Variants in KIAA0825 observed in about 807,000 individuals in gnomAD.
KIAA0825 encodes the protein KIAA0825.
A neutral mutation model predicts 147.6 loss-of-function variants in KIAA0825; 119 were observed. The observed-to-expected ratio is 0.81, with a 90% CI of 0.69 to 0.94. The LOEUF (loss-of-function observed/expected upper bound fraction) is 0.94. Ranked by LOEUF, KIAA0825 falls within the 40% of genes least tolerant of loss-of-function variation. The probability of loss-of-function intolerance (pLI) is 0.00; values close to 1 mark genes in which losing one functional copy is unlikely to be tolerated. For synonymous variants in KIAA0825, 470 were observed against 518.1 expected (o/e 0.91, Z 1.26); for missense variants, 1,381 against 1,472.7 (o/e 0.94, Z 1.02).
intron 15 of KIAA0825, chr5:94,413,117 A>C (rs1335233159): frequency 2.0e-5 from 3 of 151,976 alleles, no homozygotes; most frequent in African/African-American, 7.3e-5. Flanking sequence ...ATGCCCAGCT[A>C]ATTTTGTATT....
At chr5:94,225,958 G>T (rs946085039) in intron 20 of KIAA0825, among the ~76,000 whole-genome samples, 43 of 152,182 alleles carry the variant, frequency 2.8e-4, no homozygotes, top group Non-Finnish European at 5.9e-4. Context: ...GCAGGGCAAA[G>T]ACTTCATGAC....
chr5:94,181,930 G>A (rs941598451), intron 20 of KIAA0825, among the ~76,000 whole-genome samples: 1 of 152,152 alleles, frequency 6.6e-6, no homozygotes, highest in African/African-American at 2.4e-5. Flanking sequence ...CTGGACACCA[G>A]CTGCAGGAAA....
intron 20 of KIAA0825, among the ~76,000 whole-genome samples, chr5:94,171,655 A>G (rs1768624031): frequency 1.3e-5 from 2 of 151,870 alleles, no homozygotes; most frequent in African/African-American, 4.8e-5. Flanking sequence ...AGCTTTAAAA[A>G]CTTTCTTGAC....
At chr5:94,560,413 T>C (rs2152288849) in intron 2 of KIAA0825, among the ~76,000 whole-genome samples, 1 of 152,348 alleles carries the variant, frequency 6.6e-6, no homozygotes, top group South Asian at 2.1e-4. Flanking sequence ...AGGATAACCA[T>C]TTACCTAATT....
At chr5:94,554,737 TA>T (rs2152270854) in intron 2 of KIAA0825, among the ~76,000 whole-genome samples, 1 of 132,698 alleles carries the variant, frequency 7.5e-6, no homozygotes, top group African/African-American at 2.9e-5. Context: ...TATATATATA[TA>T]TATATATATA....
chr5:94,320,674 C>A (rs568484911), intron 20 of KIAA0825, among the ~76,000 whole-genome samples: 2 of 152,052 alleles, frequency 1.3e-5, no homozygotes, highest in East Asian at 3.9e-4. Context: ...CCTCTACAGC[C>A]TAAAATGGTT....
intron 2 of KIAA0825, among the ~76,000 whole-genome samples, chr5:94,544,320 G>T (rs1773915529): frequency 6.6e-6 from 1 of 152,210 alleles, no homozygotes; most frequent in South Asian, 2.1e-4. Flanking sequence ...TTTCAAGGAA[G>T]CAAATGCTAT....
intron 20 of KIAA0825, among the ~76,000 whole-genome samples, chr5:94,246,714 T>C (rs1003947665): frequency 7.2e-5 from 11 of 152,168 alleles, no homozygotes; most frequent in Non-Finnish European, 1.5e-4. Flanking sequence ...TTCAGTGTGC[T>C]AGGTATTGAT....
intron 20 of KIAA0825, among the ~76,000 whole-genome samples, chr5:94,160,478 A>G (rs1222119335): frequency 6.7e-6 from 1 of 149,240 alleles, no homozygotes; most frequent in African/African-American, 2.4e-5. Context: ...ATATCTGTAT[A>G]TAGTACATAT....
At chr5:94,458,232 A>T (rs1759369436) in intron 12 of KIAA0825, among the ~76,000 whole-genome samples, 1 of 152,202 alleles carries the variant, frequency 6.6e-6, no homozygotes, top group Admixed American at 6.5e-5. Context: ...AGTGCCTTGA[A>T]TTTCTCATGA....
chr5:94,292,092 C>A (rs1777926326), intron 20 of KIAA0825, among the ~76,000 whole-genome samples: 1 of 152,082 alleles, frequency 6.6e-6, no homozygotes, highest in Non-Finnish European at 1.5e-5. Context: ...ATTTGAATAC[C>A]CATTATTTCT....
At chr5:94,336,468 G>A (rs1266984640) in intron 20 of KIAA0825, among the ~76,000 whole-genome samples, 1 of 141,896 alleles carries the variant, frequency 7.0e-6, no homozygotes, top group Non-Finnish European at 1.5e-5. Context: ...GTGTCCATGT[G>A]TTCTCATTGT....
chr5:94,597,173 C>A (rs771251168), intron 1 of KIAA0825, among the ~76,000 whole-genome samples: 1 of 152,142 alleles, frequency 6.6e-6, no homozygotes, highest in African/African-American at 2.4e-5. Context: ...AAGGGGAATG[C>A]TCCCAGCTTT....
intron 20 of KIAA0825, among the ~76,000 whole-genome samples, chr5:94,262,772 T>C (rs1323419633): frequency 6.6e-6 from 1 of 152,058 alleles, no homozygotes; most frequent in African/African-American, 2.4e-5. Context: ...ACATCTCTCA[T>C]TGATGGAAAT....
At chr5:94,321,817 A>G (rs1450652585) in intron 20 of KIAA0825, among the ~76,000 whole-genome samples, 1 of 152,012 alleles carries the variant, frequency 6.6e-6, no homozygotes, top group Non-Finnish European at 1.5e-5. Flanking sequence ...ATCATATTTA[A>G]CAGAAAATAC....
Position 94,152,908 on chromosome 5 carries a change from T to G in KIAA0825, c.*1099A>C, listed in dbSNP as rs1766702033. 1.2e-5 allele frequency: 1 copy of G among 82,086 alleles called. No homozygotes were observed. The highest frequency in any genetic ancestry group is 4.4e-5 in the African/African-American group (1 of 22,774). 5.1% of individuals were successfully genotyped at this position (82,086 alleles called of 1,614,324 possible). A position where few individuals can be genotyped will look rare whatever the true frequency, so the allele number is the denominator to read the frequency against. On this transcript the variant is annotated 3_prime_UTR_variant, in exon 21 of 21. Coordinates refer to ENST00000682413, the MANE Select transcript of KIAA0825 (RefSeq NM_001145678.3). ...TATATATATATATATATATATGGTT[T>G]CTCCCAGACGTTCTTAGACTGCCCA...
intron 14 of KIAA0825, among the ~76,000 whole-genome samples, chr5:94,418,171 T>C (rs1468799260): frequency 6.6e-6 from 1 of 152,206 alleles, no homozygotes; most frequent in African/African-American, 2.4e-5. Context: ...ATTTTAACTA[T>C]CTTGCATAAA....
chr5:94,355,202 T>C (rs1204717823), intron 20 of KIAA0825, among the ~76,000 whole-genome samples: 1 of 152,186 alleles, frequency 6.6e-6, no homozygotes, highest in Non-Finnish European at 1.5e-5. Context: ...AGACAATGGA[T>C]GACAAATGTT....
intron 5 of KIAA0825, among the ~76,000 whole-genome samples, chr5:94,485,539 A>G (rs1164394429): frequency 6.6e-6 from 1 of 151,822 alleles, no homozygotes; most frequent in Non-Finnish European, 1.5e-5. Context: ...TAAGCAAGAG[A>G]ATGTCTTTGT....
Sources: gnomAD v4.1 joint callset for allele counts (sites outside exome capture counted in the v4.1 genomes callset) on GRCh38, gnomAD v4.1.1 for gene constraint, MANE v1.5 for transcripts, NCBI Gene and HGNC (gene_info 2026-07-23, HGNC 2026-07-21) for gene names.